SFSWAP: variants seen among roughly 807,000 people sequenced by gnomAD.
The protein encoded by SFSWAP is splicing factor, suppressor of white-apricot homolog.
Under a neutral mutation model 100.7 loss-of-function variants are expected in SFSWAP, and 17 were observed. The ratio of observed to expected loss-of-function variants is 0.17; its 90% CI spans 0.12 to 0.25. The LOEUF is 0.25. Among genes scored for constraint, SFSWAP ranks in the 10% least tolerant of loss-of-function variants. The probability of loss-of-function intolerance (pLI) is 1.00; values close to 1 mark genes in which losing one functional copy is unlikely to be tolerated. For missense variants in SFSWAP, 1,005 were observed against 1,262.6 expected (o/e 0.80, Z 3.09); for synonymous variants, 504 against 510.1 (o/e 0.99, Z 0.16).
rs1226561442 is a variant in SFSWAP at position 131,799,521 on chromosome 12, G to C, written c.*33G>C. On this transcript the variant is annotated 3_prime_UTR_variant, in exon 18 of 18. Transcript: ENST00000261674. ...CCAGCGGAGGCAGAGCCGGGAGGCT[G>C]CGTGGGCTTCTGGGCAGGCTCACGC... 6.2e-7 allele frequency: 1 copy of C among 1,605,432 alleles called. No individual in the cohort carries two copies. The highest frequency in any genetic ancestry group is 8.5e-7 in the Non-Finnish European group (1 of 1,173,854).
chr12:131,748,943 T>A (rs1881377355), intron 7 of SFSWAP, among the ~76,000 whole-genome samples: 1 of 152,178 alleles, frequency 6.6e-6, no homozygotes, highest in African/African-American at 2.4e-5. Flanking sequence ...TTTGGGAAAT[T>A]CAATATAAAA....
chr12:131,783,058 A>G (rs1391820288), intron 14 of SFSWAP, among the ~76,000 whole-genome samples: 2 of 151,940 alleles, frequency 1.3e-5, no homozygotes, highest in African/African-American at 2.4e-5. Flanking sequence ...GTGTGCGCCT[A>G]TAATCCCAGC....
intron 13 of SFSWAP, among the ~76,000 whole-genome samples, chr12:131,767,223 G>A (rs1883189187): frequency 6.6e-6 from 1 of 152,210 alleles, no homozygotes; most frequent in South Asian, 2.1e-4. Flanking sequence ...GAGACCAGAG[G>A]CCTTCAGGAA....
At chr12:131,783,792 T>TTATTTATATATATATATATA (rs1555251680) in intron 14 of SFSWAP, 2 of 86,682 alleles carry the variant, frequency 2.3e-5, no homozygotes, top group East Asian at 1.1e-3. Flanking sequence ...AAAAAACATT[T>TTATTTATATATATATATATA]TATATATATA....
intron 1 of SFSWAP, chr12:131,713,866 A>T: frequency 2.7e-6 from 1 of 376,034 alleles, no homozygotes; most frequent in Non-Finnish European, 4.7e-6. Flanking sequence ...GTTTGTTAAG[A>T]TAACTTGAGT....
At chr12:131,798,944 G>C (rs2136286917) in intron 16 of SFSWAP, 93 bp from the exon 17 acceptor site, 2 of 865,686 alleles carry the variant, frequency 2.3e-6, no homozygotes, top group Non-Finnish European at 4.0e-6. Flanking sequence ...CTCAGTTCTA[G>C]AGTTGGGGTT....
In SFSWAP at chr12:131,734,162, C is replaced by G. The variant is rs369460071; in HGVS notation, c.1081+5734C>G. On this transcript the variant is annotated intron_variant, in intron 7 of 17. Transcript: ENST00000261674. The surrounding 1 kb of genome is among the most constrained non-coding windows in gnomAD (Gnocchi z 4.9). ...GGTGGACGCCAGGTGGCCCCTGGCA[C>G]AGAGAGCGTGTTCATCGCTGGCTCC... 2.7e-4 allele frequency among the ~76,000 whole-genome samples: 41 copies of G among 152,354 alleles called. 1 individual carries two copies. The highest frequency in any genetic ancestry group is 9.9e-4 in the African/African-American group (41 of 41,586).
intron 11 of SFSWAP, among the ~76,000 whole-genome samples, chr12:131,761,317 A>G (rs1882658853): frequency 6.6e-6 from 1 of 152,238 alleles, no homozygotes; most frequent in South Asian, 2.1e-4. Context: ...GCTATGGAAG[A>G]TGGCGGGTTC....
rs59186863 is a variant in SFSWAP, at chr12:131,755,528, G to T, written c.1548+49G>T. The T allele has an allele frequency of 1.9e-5, 26 of 1,337,606 alleles. No individual in the cohort carries two copies. The African/African-American group carries it at 3.5e-4, about 18-fold the overall frequency. The allele number at this position is 1,337,606 out of a possible 1,614,324, so 82.9% of individuals were successfully genotyped here. On this transcript the variant is annotated intron_variant, in intron 10 of 17. Coordinates refer to ENST00000261674, the MANE Select transcript of SFSWAP (RefSeq NM_004592.4). ...CTGTGAAGCTCTTAGAGGTGGCTCC[G>T]CCTTCCAGATCAGAAGTCGCTTTCT...
At chr12:131,795,420 C>G (rs891612426) in intron 15 of SFSWAP, among the ~76,000 whole-genome samples, 2 of 152,214 alleles carry the variant, frequency 1.3e-5, no homozygotes, top group Non-Finnish European at 2.9e-5. Context: ...TCGGGGCTGT[C>G]CCTACCAGGG....
intron 14 of SFSWAP, among the ~76,000 whole-genome samples, chr12:131,779,237 G>GTGTGTGAAGAGGGCGGCACGGGTGAGCC (rs1884287407): frequency 7.0e-6 from 1 of 142,152 alleles, no homozygotes; most frequent in African/African-American, 2.6e-5. Flanking sequence ...GCGGGTGAGC[G>GTGTGTGAAGAGGGCGGCACGGGTGAGCC]TGTGTGAAGA....
chr12:131,757,965 G>T (rs1464947280), intron 11 of SFSWAP: 2 of 152,322 alleles, frequency 1.3e-5, no homozygotes, highest in African/African-American at 4.8e-5. Context: ...TTGCAGAGAA[G>T]TACCCTTGAG....
rs1705736304 is a variant in SFSWAP, at chr12:131,711,907, C to T, written c.218+460C>T. The T allele has an allele frequency of 1.1e-5, 2 of 176,270 alleles. No homozygotes were observed. The highest frequency in any genetic ancestry group is 1.6e-4 in the East Asian group (1 of 6,062). 10.9% of individuals were successfully genotyped at this position (176,270 alleles called of 1,614,324 possible). On this transcript the variant is annotated intron_variant, in intron 1 of 17. Coordinates refer to ENST00000261674, the MANE Select transcript of SFSWAP (RefSeq NM_004592.4). The surrounding 1 kb of genome is among the most constrained non-coding windows in gnomAD (Gnocchi z 4.9). ...GGCGTGCCTTTATTCTTCCGAACCGCCGCTCACTGAGACAGTGGCTAGAAG... is the reference window on the plus strand; with the variant it reads ...GGCGTGCCTTTATTCTTCCGAACCGTCGCTCACTGAGACAGTGGCTAGAAG...
chr12:131,782,168 G>T (rs1199927136), intron 14 of SFSWAP, among the ~76,000 whole-genome samples: 11 of 152,198 alleles, frequency 7.2e-5, no homozygotes, highest in Admixed American at 7.2e-4. Flanking sequence ...AGAAGAAGCT[G>T]GTGGTTTCTC....
At position 131,794,671 on chromosome 12, in the gene SFSWAP, C is replaced by T. The variant is rs887367457; in HGVS notation, c.2535-2507C>T. Among the ~76,000 whole-genome samples, 21 of 152,196 alleles carry T rather than the reference C, an allele frequency of 1.4e-4. No individual in the cohort carries two copies. The highest frequency in any genetic ancestry group is 4.3e-4 in the African/African-American group (18 of 41,444). On this transcript the variant is annotated intron_variant, in intron 15 of 17. Transcript: ENST00000261674. The surrounding 1 kb of genome is among the most constrained non-coding windows in gnomAD (Gnocchi z 4.8). ...GCTGAGGGTGGAGAAGGGGTATAGA[C>T]GGACTTGAAGTGGCATTGAGGAGCC...
intron 15 of SFSWAP, among the ~76,000 whole-genome samples, chr12:131,795,828 G>T (rs1005921293): frequency 2.6e-5 from 4 of 151,226 alleles, no homozygotes; most frequent in Non-Finnish European, 4.4e-5. Context: ...CTTCAGGTTG[G>T]CACATTGAGC....
At chr12:131,768,093 T>A (rs1883267777) in intron 13 of SFSWAP, among the ~76,000 whole-genome samples, 1 of 152,252 alleles carries the variant, frequency 6.6e-6, no homozygotes, top group African/African-American at 2.4e-5. Flanking sequence ...TCGCCCTCTC[T>A]GAGAGTCGTT....
chr12:131,775,630 C>T (rs971228935), intron 13 of SFSWAP, among the ~76,000 whole-genome samples: 6 of 152,132 alleles, frequency 3.9e-5, no homozygotes, highest in African/African-American at 1.4e-4. Context: ...GATGTTGAGC[C>T]TCTGAAGTTG....
intron 3 of SFSWAP, among the ~76,000 whole-genome samples, chr12:131,717,116 CAT>C (rs752576402): frequency 7.9e-5 from 12 of 152,188 alleles, no homozygotes; most frequent in African/African-American, 1.2e-4. Flanking sequence ...CACACACACA[CAT>C]ACGTGCATAT....
Sources: allele counts gnomAD v4.1 joint callset (sites outside exome capture counted in the v4.1 genomes callset), GRCh38; gene constraint gnomAD v4.1.1; non-coding constraint Gnocchi (gnomAD v3.1); transcripts MANE v1.5; gene names NCBI Gene and HGNC (gene_info 2026-07-23, HGNC 2026-07-21).